The following TMC7 variants were observed in gnomAD, a reference collection of about 807,000 sequenced individuals.
The protein encoded by TMC7 is transmembrane channel like 7, also known as transmembrane channel-like protein 7.
A neutral mutation model predicts 82.9 loss-of-function variants in TMC7; 54 were observed. The observed-to-expected ratio is 0.65, with a 90% CI of 0.52 to 0.82. The LOEUF (loss-of-function observed/expected upper bound fraction) is 0.82. Ranked by LOEUF, TMC7 falls within the 40% of genes least tolerant of loss-of-function variation. The pLI is 0.00. For missense variants in TMC7, 820 were observed against 901.2 expected (o/e 0.91, Z 1.15); for synonymous variants, 350 against 337.9 (o/e 1.04, Z -0.39).
chr16:19,031,162 AG>A (rs1960498953), intron 6 of TMC7, among the ~76,000 whole-genome samples: 1 of 152,182 alleles, frequency 6.6e-6, no homozygotes, highest in Non-Finnish European at 1.5e-5. Context: ...GGTGGGAAAT[AG>A]GGCATCTTAT....
At chr16:19,007,682 A>T (rs1185729910) in intron 1 of TMC7, among the ~76,000 whole-genome samples, 1 of 151,952 alleles carries the variant, frequency 6.6e-6, no homozygotes, top group African/African-American at 2.4e-5. Flanking sequence ...AAAAAAAAAA[A>T]ATAAATAAAT....
intron 15 of TMC7, among the ~76,000 whole-genome samples, chr16:19,060,434 G>A (rs77422208): frequency 0.013 from 1,996 of 152,086 alleles, 51 homozygotes; most frequent in African/African-American, 0.045. Flanking sequence ...TGAACTCCTG[G>A]GCTCAAGTGA....
chr16:19,040,146 G>A, intron 8 of TMC7, 143 bp from the exon 9 acceptor site: 1 of 421,996 alleles, frequency 2.4e-6, no homozygotes, highest in Non-Finnish European at 4.1e-6. Context: ...AAAGGAACGA[G>A]ATGACTTATG....
rs2142210663 is a variant in TMC7, at chr16:19,021,751, A to G, written c.583A>G (p.Lys195Glu). 1.9e-6 allele frequency: 3 copies of G among 1,614,172 alleles called. 1 individual carries two copies. The highest frequency in any genetic ancestry group is 2.2e-5 in the South Asian group (2 of 91,078). The change falls in exon 4 of 16, where the codon AAG (lysine) becomes GAG (glutamate). Residue 195 changes from lysine (K) to glutamate (E), a missense_variant. Lys to Glu is a moderately conservative substitution (Grantham distance 56). Coordinates refer to ENST00000304381, the MANE Select transcript of TMC7 (RefSeq NM_024847.4). ...VLLPVLLTKY[K>E]ITNSSFVLIP... The stretch of plus-strand genomic sequence containing the variant: ...GCTCCCAGTCTTACTCACGAAATAC[A>G]AGATCACCAACAGCAGCTTCGTGCT...
intron 9 of TMC7, 90 bp from the exon 10 acceptor site, chr16:19,044,791 AAAG>A: frequency 3.2e-5 from 22 of 688,708 alleles, no homozygotes; most frequent in South Asian, 1.4e-4. Context: ...AAAAAAAAAA[AAAG>A]GCAGCTTCTA....
chr16:19,009,478 G>A (rs1367213689), intron 2 of TMC7, 63 bp downstream of exon 2: 1 of 1,529,068 alleles, frequency 6.5e-7, no homozygotes, highest in African/African-American at 1.4e-5. Flanking sequence ...TATGTTTTGT[G>A]CGTGAAATGC....
chr16:18,992,775 G>T (rs376121976), intron 1 of TMC7, among the ~76,000 whole-genome samples: 15 of 152,164 alleles, frequency 9.9e-5, no homozygotes, highest in Admixed American at 2.6e-4. Context: ...AATTTTTGTA[G>T]AAGGTGTAAG....
intron 1 of TMC7, among the ~76,000 whole-genome samples, chr16:18,986,510 T>G (rs2038852203): frequency 6.6e-6 from 1 of 151,944 alleles, no homozygotes; most frequent in African/African-American, 2.4e-5. Flanking sequence ...GAGCCGAGGT[T>G]GCACCACTGC....
intron 1 of TMC7, among the ~76,000 whole-genome samples, chr16:18,994,376 C>T (rs1316322347): frequency 6.6e-6 from 1 of 151,880 alleles, no homozygotes; most frequent in Non-Finnish European, 1.5e-5. Context: ...ACAGGGCGCA[C>T]TCCTGGCTCT....
chr16:19,037,806 G>T (rs989746348), intron 7 of TMC7, 68 bp from the exon 8 acceptor site: 43 of 1,480,500 alleles, frequency 2.9e-5, no homozygotes, highest in Non-Finnish European at 3.8e-5. Flanking sequence ...AGAGAATGAT[G>T]AATCAATTTC....
intron 8 of TMC7, 89 bp downstream of exon 8, chr16:19,038,136 T>C: frequency 3.0e-6 from 4 of 1,315,994 alleles, no homozygotes; most frequent in African/African-American, 1.5e-5. Context: ...GTTTTACATA[T>C]GGAGATACAA....
intron 13 of TMC7, among the ~76,000 whole-genome samples, chr16:19,053,009 G>A (rs1272283556): frequency 1.3e-5 from 2 of 152,166 alleles, no homozygotes; most frequent in Admixed American, 1.3e-4. Context: ...TACCATGCTT[G>A]ACCAGATTTT....
intron 6 of TMC7, among the ~76,000 whole-genome samples, chr16:19,031,399 G>T (rs2142240437): frequency 6.6e-6 from 1 of 152,316 alleles, no homozygotes; most frequent in South Asian, 2.1e-4. Flanking sequence ...TCCTGTGGGA[G>T]ACAAGTGGTT....
chr16:19,025,488 G>A (rs534443666), intron 5 of TMC7, among the ~76,000 whole-genome samples: 3 of 151,930 alleles, frequency 2.0e-5, no homozygotes, highest in Admixed American at 1.3e-4. Context: ...GCATGGTGGC[G>A]GGTGCCTGTA....
chr16:19,056,122 C>T (rs34360567), intron 13 of TMC7, among the ~76,000 whole-genome samples: 85,788 of 150,450 alleles, frequency 0.57, 25,587 homozygotes, highest in East Asian at 0.81. Flanking sequence ...GGAGTTTTGC[C>T]CTTGTTGCCC....
chr16:18,990,253 T>G (rs1193919161), intron 1 of TMC7, among the ~76,000 whole-genome samples: 1 of 152,170 alleles, frequency 6.6e-6, no homozygotes, highest in Non-Finnish European at 1.5e-5. Context: ...CTATTTTTAC[T>G]TCTTTTGTGG....
intron 1 of TMC7, among the ~76,000 whole-genome samples, chr16:18,988,536 C>T (rs2038894089): frequency 6.6e-6 from 1 of 151,976 alleles, no homozygotes; most frequent in Non-Finnish European, 1.5e-5. Flanking sequence ...ATCGATCTTC[C>T]TGCCTTGGTC....
intron 1 of TMC7, among the ~76,000 whole-genome samples, chr16:18,992,058 C>T (rs954840778): frequency 5.3e-5 from 8 of 152,138 alleles, no homozygotes; most frequent in Admixed American, 2.0e-4. Flanking sequence ...GATAAACATA[C>T]GTGTGCATGT....
At chr16:19,009,507 A>T in intron 2 of TMC7, 92 bp downstream of exon 2, 1 of 1,470,446 alleles carries the variant, frequency 6.8e-7, no homozygotes. Flanking sequence ...AAGAGCTCAT[A>T]TAATTAAAAT....
Sources: allele counts gnomAD v4.1 joint callset (sites outside exome capture counted in the v4.1 genomes callset), GRCh38; gene constraint gnomAD v4.1.1; transcripts MANE v1.5; gene names NCBI Gene and HGNC (gene_info 2026-07-23, HGNC 2026-07-21).